Variants in MAP4K5 observed in about 807,000 individuals in gnomAD.
MAP4K5 encodes the protein MAPK/ERK kinase kinase kinase 5.
MAP4K5 carries 82 observed loss-of-function variants against 135.6 expected under a neutral mutation model. That is an observed-to-expected ratio of 0.60 (90% CI 0.51 to 0.73). The LOEUF is 0.73. Among genes scored for constraint, MAP4K5 ranks in the 30% least tolerant of loss-of-function variants. MAP4K5 has a pLI of 0.00. For synonymous variants in MAP4K5, 347 were observed against 335.0 expected, an observed-to-expected ratio of 1.04 and a Z score of -0.39; for missense variants, 907 against 1,010.9, an observed-to-expected ratio of 0.90 and a Z score of 1.39.
Position 50,443,957 on chromosome 14 carries a change from CT to C in MAP4K5, c.1418del (p.Lys473ArgfsTer21). On this transcript the variant is annotated frameshift_variant, in exon 19 of 33. Transcript: ENST00000682126. LOFTEE classifies it high-confidence loss of function. ...SAQAPQLPRK[K>X]DKRDFPKPAI... ...TACCTACAGGGAAGTCTCGTTTGTCCTTTTTTCGTGGTAACTGTGGTGCTTG... is the reference window on the plus strand; with the variant it reads ...TACCTACAGGGAAGTCTCGTTTGTCCTTTTTCGTGGTAACTGTGGTGCTTG... The C allele has an allele frequency of 1.2e-6, 2 of 1,607,618 alleles. No homozygotes were observed. The highest frequency in any genetic ancestry group is 1.7e-5 in the Admixed American group (1 of 59,152).
rs1199026822 is a variant in MAP4K5, at chr14:50,456,541, A to G, written c.990T>C (p.Ala330=). The change falls in exon 14 of 33, where the codon GCT becomes GCC. Residue 330 remains alanine, a synonymous_variant. Transcript: ENST00000682126. ...AATTTATTTCTGAAGCTGTCCGTTCAGCTCTGGCATTCCTGTTTGTAGATC... is the reference window on the plus strand; with the variant it reads ...AATTTATTTCTGAAGCTGTCCGTTCGGCTCTGGCATTCCTGTTTGTAGATC... ...TIRSTNRNAR[A]ERTASEINFD... is the part of the protein sequence containing the mutation. The G allele has an allele frequency of 2.5e-6, 4 of 1,579,938 alleles. No individual in the cohort carries two copies. The highest frequency in any genetic ancestry group is 2.6e-6 in the Non-Finnish European group (3 of 1,161,642).
chr14:50,495,587 G>A (rs1395836897), intron 3 of MAP4K5, among the ~76,000 whole-genome samples: 1 of 152,136 alleles, frequency 6.6e-6, no homozygotes, highest in Non-Finnish European at 1.5e-5. Context: ...CTGAAAATAG[G>A]ATCTCAAAGA....
At chr14:50,549,796 C>T (rs988483193) in intron 1 of MAP4K5, among the ~76,000 whole-genome samples, 1 of 152,198 alleles carries the variant, frequency 6.6e-6, no homozygotes, top group Non-Finnish European at 1.5e-5. Flanking sequence ...AACCCAATTA[C>T]ATGCACTGTC....
rs755452453 is a variant in MAP4K5, at chr14:50,548,927, CAAT to C, written c.-179-6346_-179-6344del. On this transcript the variant is annotated intron_variant, in intron 1 of 8. Transcript: ENST00000555216. The stretch of plus-strand genomic sequence containing the variant: ...CATCACCACCAGAAAGCAGACCACA[CAAT>C]AAAAACTGCCTACCCCATAAAAGGT... Among the ~76,000 whole-genome samples, 11 of 152,258 alleles carry C rather than the reference CAAT, an allele frequency of 7.2e-5. No individual in the cohort carries two copies. In the East Asian group the frequency reaches 7.7e-4, roughly 11 times the overall value.
intron 29 of MAP4K5, 48 bp downstream of exon 29, chr14:50,429,144 T>A: frequency 1.0e-6 from 1 of 992,484 alleles, no homozygotes; most frequent in South Asian, 1.7e-5. Context: ...ATAAAAAAAT[T>A]GCTTTATCAA....
intron 3 of MAP4K5, among the ~76,000 whole-genome samples, chr14:50,488,080 AG>A (rs1451974106): frequency 6.6e-6 from 1 of 152,180 alleles, no homozygotes. Context: ...TAAAGAAAAG[AG>A]GTTTAATTGA....
At chr14:50,430,000 C>T (rs905504677) in intron 28 of MAP4K5, among the ~76,000 whole-genome samples, 5 of 147,486 alleles carry the variant, frequency 3.4e-5, no homozygotes, top group Non-Finnish European at 7.5e-5. Context: ...TAGAGCAGTC[C>T]TTTTTTTTTT....
chr14:50,441,762 AC>A (rs1420516420), intron 21 of MAP4K5, among the ~76,000 whole-genome samples: 15 of 128,646 alleles, frequency 1.2e-4, no homozygotes, highest in African/African-American at 5.2e-4. Context: ...ACACACACAC[AC>A]ACACACACAC....
chr14:50,528,971 T>C (rs1229046800), intron 2 of MAP4K5, among the ~76,000 whole-genome samples: 1 of 152,200 alleles, frequency 6.6e-6, no homozygotes, highest in Non-Finnish European at 1.5e-5. Flanking sequence ...GACAAAATTC[T>C]ATAGGACTTA....
chr14:50,531,852 C>G, intron 2 of MAP4K5, 90 bp downstream of exon 2: 1 of 929,734 alleles, frequency 1.1e-6, no homozygotes, highest in Non-Finnish European at 1.7e-6. Context: ...ATAAAAGCAT[C>G]CTCCTCTCGC....
At chr14:50,480,157 G>GT (rs2037204675) in intron 6 of MAP4K5, among the ~76,000 whole-genome samples, 1 of 151,306 alleles carries the variant, frequency 6.6e-6, no homozygotes, top group Non-Finnish European at 1.5e-5. Flanking sequence ...GCTTCATATT[G>GT]GTTTTTTTTT....
intron 21 of MAP4K5, among the ~76,000 whole-genome samples, chr14:50,442,251 A>G (rs1383621325): frequency 6.6e-6 from 1 of 152,040 alleles, no homozygotes; most frequent in Admixed American, 6.6e-5. Flanking sequence ...AACATTTACT[A>G]CTTCTGCTTG....
chr14:50,428,605 T>A, intron 30 of MAP4K5, 57 bp downstream of exon 30: 2 of 984,566 alleles, frequency 2.0e-6, no homozygotes, highest in Non-Finnish European at 3.0e-6. Context: ...AAGTACAGAA[T>A]GAATTTTAAT....
Position 50,445,146 on chromosome 14 carries a change from CT to C in MAP4K5, c.1233del (p.Ala412HisfsTer4). The C allele has an allele frequency of 6.2e-7, 1 of 1,613,518 alleles. No individual in the cohort carries two copies. The highest frequency in any genetic ancestry group is 8.5e-7 in the Non-Finnish European group (1 of 1,179,662). ...YPEDNFPDEE[K>X]ASTIKHCPDS... ...TCAGGACAATGTTTTATGGTTGATG[CT>C]TTTTCTTCATCCGGAAAGTTGTCTT... On this transcript the variant is annotated frameshift_variant, in exon 18 of 33. Coordinates refer to ENST00000682126, the MANE Select transcript of MAP4K5 (RefSeq NM_006575.6). LOFTEE classifies it high-confidence loss of function.
In MAP4K5 at chr14:50,437,951, T is replaced by A; in HGVS notation, c.1766A>T (p.Lys589Ile). The A allele has an allele frequency of 6.2e-7, 1 of 1,612,788 alleles. No individual in the cohort carries two copies. The highest frequency in any genetic ancestry group is 8.5e-7 in the Non-Finnish European group (1 of 1,179,100). The change falls in exon 25 of 33, where the codon AAA becomes ATA. Residue 589 changes from lysine to isoleucine, a missense_variant. Coordinates refer to ENST00000682126, the MANE Select transcript of MAP4K5 (RefSeq NM_006575.6). ...NLIALFEHAKKPGLAAHIQTH... is the reference protein window; with the variant it reads ...NLIALFEHAKIPGLAAHIQTH... ...TTGAATATGGGCAGCTAATCCTGGT[T>A]TTTTGGCATGTTCAAACAAAGCTAT...
chr14:50,536,147 T>G (rs2038488895), upstream of MAP4K5, among the ~76,000 whole-genome samples: 1 of 152,220 alleles, frequency 6.6e-6, no homozygotes, highest in Non-Finnish European at 1.5e-5. Flanking sequence ...GAAAACAGAC[T>G]AATACATTAA....
chr14:50,429,827 G>C (rs2035930565), intron 28 of MAP4K5, among the ~76,000 whole-genome samples: 1 of 152,116 alleles, frequency 6.6e-6, no homozygotes. Context: ...GAACATCTTT[G>C]CAGGATACAA....
intron 2 of MAP4K5, among the ~76,000 whole-genome samples, chr14:50,506,109 A>G (rs1043649100): frequency 1.3e-5 from 2 of 152,214 alleles, no homozygotes; most frequent in African/African-American, 4.8e-5. Flanking sequence ...TGGCAGAAAA[A>G]AACAAGAAAA....
At chr14:50,547,775 C>T (rs529436438) in intron 1 of MAP4K5, among the ~76,000 whole-genome samples, 2 of 152,168 alleles carry the variant, frequency 1.3e-5, no homozygotes, top group African/African-American at 2.4e-5. Context: ...GGGAAGTGTC[C>T]GTGCTATGAT....
Sources: gnomAD v4.1 joint callset for allele counts (sites outside exome capture counted in the v4.1 genomes callset) on GRCh38, gnomAD v4.1.1 for gene constraint, MANE v1.5 for transcripts, NCBI Gene and HGNC (gene_info 2026-07-23, HGNC 2026-07-21) for gene names.